SLC2A1: variants seen among roughly 807,000 people sequenced by gnomAD.
SLC2A1 encodes solute carrier family 2 member 1.
A neutral mutation model predicts 46.6 loss-of-function variants in SLC2A1; 4 were observed. That is an observed-to-expected ratio of 0.09 (90% confidence interval 0.04 to 0.20). SLC2A1 has a LOEUF of 0.20. Ranked by LOEUF, SLC2A1 falls within the 10% of genes least tolerant of loss-of-function variation. SLC2A1 has a pLI of 1.00. For missense variants in SLC2A1, 352 were observed against 667.0 expected (o/e 0.53, Z 5.20); for synonymous variants, 253 against 270.0 (o/e 0.94, Z 0.62).
Position 42,930,626 on chromosome 1 carries a change from C to T in SLC2A1, c.516G>A (p.Gln172=). 1 of 1,612,460 alleles carries T rather than the reference C, an allele frequency of 6.2e-7. No homozygotes were observed. The highest frequency in any genetic ancestry group is 8.5e-7 in the Non-Finnish European group (1 of 1,179,238). Residue 172 remains glutamine, a splice_region_variant and synonymous_variant, in exon 4 of 10, where the codon CAG becomes CAA. Coordinates refer to ENST00000426263, the MANE Select transcript of SLC2A1 (RefSeq NM_006516.4). This position sits in a 1 kb window ranked among gnomAD's most constrained non-coding sequence, Gnocchi z 6.2. ...GCAGGTAGATCCTGCCCCAGCTTAC[C>T]TGGGCGATGAGGATGCCGACGACGA... is the stretch of plus-strand genomic sequence containing the variant. ...LGIVVGILIA[Q]VFGLDSIMGN...
intron 2 of SLC2A1, among the ~76,000 whole-genome samples, chr1:42,937,656 T>C (rs1203695826): frequency 1.3e-5 from 2 of 152,256 alleles, no homozygotes; most frequent in Non-Finnish European, 2.9e-5. Flanking sequence ...GGGAAAATTA[T>C]GGTGTCTGCC....
intron 1 of SLC2A1, among the ~76,000 whole-genome samples, chr1:42,947,581 C>CG (rs1643671209): frequency 1.8e-5 from 1 of 55,830 alleles, no homozygotes; most frequent in Non-Finnish European, 3.1e-5. Context: ...CACACACACA[C>CG]AAAAAAAAAA....
At position 42,930,575 on chromosome 1, in the gene SLC2A1, G is replaced by A. The variant is rs758783636; in HGVS notation, c.516+51C>T. The A allele has an allele frequency of 2.5e-6, 4 of 1,610,020 alleles. No individual in the cohort carries two copies. In the South Asian group the frequency reaches 4.4e-5, roughly 18 times the overall value. Reference sequence around the variant, plus strand: ...GCTGGGCACAGATCCGAGAGCCACTGAAGCTGTGGGCAGGGGCCGTGCCAG... The same window carrying A: ...GCTGGGCACAGATCCGAGAGCCACTAAAGCTGTGGGCAGGGGCCGTGCCAG... On this transcript the variant is annotated intron_variant, in intron 4 of 9. Transcript: ENST00000426263. This position sits in a 1 kb window ranked among gnomAD's most constrained non-coding sequence, Gnocchi z 6.2.
At chr1:42,933,938 T>C (rs545555215) in intron 2 of SLC2A1, among the ~76,000 whole-genome samples, 66 of 152,294 alleles carry the variant, frequency 4.3e-4, no homozygotes, top group East Asian at 3.5e-3. Context: ...ATTTCTGCAT[T>C]CCATAGTTCT....
In SLC2A1 at chr1:42,927,623, C is replaced by T. The variant is rs2124446216; in HGVS notation, c.1260G>A (p.Met420Ile). The T allele has an allele frequency of 6.2e-7, 1 of 1,614,068 alleles. No homozygotes were observed. The highest frequency in any genetic ancestry group is 8.5e-7 in the Non-Finnish European group (1 of 1,180,022). Residue 420 changes from methionine to isoleucine, a missense_variant, in exon 9 of 10, where the codon ATG becomes ATA. By Grantham distance (10) the Met-to-Ile change is conservative (BLOSUM62 1). Around this residue, in one of 5 missense-constraint regions of SLC2A1, gnomAD observed 35 missense variants for 107.2 expected, o/e 0.33. Transcript: ENST00000426263. The surrounding 1 kb of genome is among the most constrained non-coding windows in gnomAD (Gnocchi z 5.3). Reference protein sequence around the residue: ...SNWTSNFIVGMCFQYVEQLCG... With the variant: ...SNWTSNFIVGICFQYVEQLCG... ...TTCTCACCTCCACATACTGGAAGCA[C>T]ATGCCCACAATGAAATTTGAGGTCC...
intron 1 of SLC2A1, among the ~76,000 whole-genome samples, chr1:42,945,696 C>T (rs1622805): frequency 0.21 from 31,544 of 147,486 alleles, 3,500 homozygotes; most frequent in Middle Eastern, 0.27. Context: ...GCCGAGATGG[C>T]GCCACTGCAC....
In SLC2A1 at chr1:42,930,424, G is replaced by A; in HGVS notation, c.516+202C>T. ...TTGGAAGCCTAGAGTGAGAAGAAAGGGACTGAGAAGAGTCAAGTCATCTTG... is the reference window on the plus strand; with the variant it reads ...TTGGAAGCCTAGAGTGAGAAGAAAGAGACTGAGAAGAGTCAAGTCATCTTG... On this transcript the variant is annotated intron_variant, in intron 4 of 9. Transcript: ENST00000426263. The surrounding 1 kb of genome is among the most constrained non-coding windows in gnomAD (Gnocchi z 6.2). 2.6e-6 allele frequency: 2 copies of A among 772,256 alleles called. No homozygotes were observed. The highest frequency in any genetic ancestry group is 4.0e-5 in the Admixed American group (2 of 49,552). The allele number at this position is 772,256 out of a possible 1,614,324, so 47.8% of individuals were successfully genotyped here. A position where few individuals can be genotyped will look rare whatever the true frequency, so the allele number is the denominator to read the frequency against.
chr1:42,935,884 T>G (rs936951208), intron 2 of SLC2A1, among the ~76,000 whole-genome samples: 3 of 152,190 alleles, frequency 2.0e-5, no homozygotes, highest in Non-Finnish European at 2.9e-5. Context: ...TGTAAAAGGC[T>G]AGCTAGAATC....
At chr1:42,931,941 C>A (rs1156784973) in intron 2 of SLC2A1, among the ~76,000 whole-genome samples, 1 of 150,788 alleles carries the variant, frequency 6.6e-6, no homozygotes, top group African/African-American at 2.5e-5. Flanking sequence ...ATCAGGCCCT[C>A]CCCCCAACCC....
Position 42,927,292 on chromosome 1 carries a change from C to A in SLC2A1, c.1279-51G>T, listed in dbSNP as rs774719558. 1.3e-6 allele frequency: 2 copies of A among 1,544,660 alleles called. No homozygotes were observed. Among genetic ancestry groups the A allele is most frequent in the Non-Finnish European group, 1.8e-6 (2 of 1,118,356 alleles). On this transcript the variant is annotated intron_variant, in intron 9 of 9. Coordinates refer to ENST00000426263, the MANE Select transcript of SLC2A1 (RefSeq NM_006516.4). This position sits in a 1 kb window ranked among gnomAD's most constrained non-coding sequence, Gnocchi z 5.3. ...TTGGAGTCATGACCCTACATCCTGG[C>A]TGTAGGACTTTGGATAAGTCACTTT... is the stretch of plus-strand genomic sequence containing the variant.
chr1:42,943,252 T>C lies in SLC2A1; in HGVS notation c.88A>G (p.Thr30Ala), dbSNP rs1186274140. 1 of 1,613,672 alleles carries C rather than the reference T, an allele frequency of 6.2e-7. No individual in the cohort carries two copies. Among genetic ancestry groups the C allele is most frequent in the African/African-American group, 1.3e-5 (1 of 75,036 alleles). The change falls in exon 2 of 10, where the codon ACT becomes GCT. Residue 30 changes from threonine to alanine, a missense_variant. Thr to Ala is a moderately conservative substitution (Grantham distance 58). Coordinates refer to ENST00000426263, the MANE Select transcript of SLC2A1 (RefSeq NM_006516.4). ...VLGSLQFGYN[T>A]GVINAPQKVI... ...TTCTGGGGGGCATTGATGACTCCAG[T>C]GTTGTAGCCAAACTGCAGGGAGCCA...
chr1:42,928,118 A>G lies in SLC2A1; in HGVS notation c.1075-310T>C, dbSNP rs563701014. On this transcript the variant is annotated intron_variant, in intron 8 of 9. Coordinates refer to ENST00000426263, the MANE Select transcript of SLC2A1 (RefSeq NM_006516.4). ...TGCAGCACAGTCCGCCTGTGGCAGG[A>G]TGCAGAACATTCCTGGGGGTGGGGT... Among the ~76,000 whole-genome samples the G allele has an allele frequency of 5.9e-5, 9 of 152,308 alleles. No individual in the cohort carries two copies. In the South Asian group the frequency reaches 1.9e-3, roughly 32 times the overall value.
chr1:42,941,030 G>A (rs16830099), intron 2 of SLC2A1, among the ~76,000 whole-genome samples: 8,237 of 152,160 alleles, frequency 0.054, 316 homozygotes, highest in East Asian at 0.16. Flanking sequence ...TGTTGCCCTC[G>A]CACGGAATTG....
chr1:42,933,288 C>G (rs1342406522), intron 2 of SLC2A1, among the ~76,000 whole-genome samples: 1 of 152,178 alleles, frequency 6.6e-6, no homozygotes, highest in East Asian at 1.9e-4. Flanking sequence ...TCCCTACCTA[C>G]CACACCTTTG....
rs191870257 is a variant in SLC2A1, at chr1:42,942,298, C to T, written c.114+928G>A. ...CTGTCGGCCATTTCATCTGCCTGGG[C>T]CTCAGTTTCCGGGTCTACAAAATGG... On this transcript the variant is annotated intron_variant, in intron 2 of 9. Transcript: ENST00000426263. 1.6e-4 allele frequency among the ~76,000 whole-genome samples: 24 copies of T among 152,304 alleles called. No homozygotes were observed. The East Asian group carries it at 3.5e-3, about 22-fold the overall frequency.
intron 1 of SLC2A1, among the ~76,000 whole-genome samples, chr1:42,956,187 T>C (rs58395368): frequency 0.01 from 1,575 of 152,308 alleles, 23 homozygotes; most frequent in African/African-American, 0.036. Context: ...CTTGTATCTA[T>C]CTGTCTTTTG....
chr1:42,940,690 C>T (rs1487546167), intron 2 of SLC2A1, among the ~76,000 whole-genome samples: 2 of 152,110 alleles, frequency 1.3e-5, no homozygotes, highest in Admixed American at 1.3e-4. Context: ...TCAAGTGATC[C>T]ACCCACCTCA....
Position 42,927,332 on chromosome 1 carries a change from G to A in SLC2A1, c.1279-91C>T. Reference sequence around the variant, plus strand: ...TAAGTCACTTTACCTTTGGGCCTTTGAGCTGAAAAGGGAACATCCACCTAC... The same window carrying A: ...TAAGTCACTTTACCTTTGGGCCTTTAAGCTGAAAAGGGAACATCCACCTAC... On this transcript the variant is annotated intron_variant, in intron 9 of 9. Transcript: ENST00000426263. This position sits in a 1 kb window ranked among gnomAD's most constrained non-coding sequence, Gnocchi z 5.3. 1 of 1,221,758 alleles carries A rather than the reference G, an allele frequency of 8.2e-7. No homozygotes were observed. Among genetic ancestry groups the A allele is most frequent in the East Asian group, 2.4e-5 (1 of 40,860 alleles). 75.7% of individuals were successfully genotyped at this position (1,221,758 alleles called of 1,614,324 possible). A position where few individuals can be genotyped will look rare whatever the true frequency, so the allele number is the denominator to read the frequency against.
intron 1 of SLC2A1, among the ~76,000 whole-genome samples, chr1:42,943,947 G>A (rs972856629): frequency 1.3e-4 from 20 of 152,144 alleles, no homozygotes; most frequent in South Asian, 4.1e-4. Flanking sequence ...CTGTTCACAG[G>A]GCAGGAAACT....
Sources: gnomAD v4.1 joint callset for allele counts (sites outside exome capture counted in the v4.1 genomes callset) on GRCh38, gnomAD v4.1.1 for gene constraint, gnomAD v4.1.1 regional missense constraint, Gnocchi (gnomAD v3.1) non-coding constraint, MANE v1.5 for transcripts, NCBI Gene and HGNC (gene_info 2026-07-23, HGNC 2026-07-21) for gene names.